LSAMP: variants seen among roughly 807,000 people sequenced by gnomAD.
LSAMP encodes the protein limbic system-associated membrane protein.
LSAMP carries 7 observed loss-of-function variants against 38.6 expected under a neutral mutation model. That is an observed-to-expected ratio of 0.18 (90% CI 0.10 to 0.34). The LOEUF is 0.34. LSAMP is among the 10% of genes least tolerant of loss of function. LSAMP has a pLI of 1.00. For missense variants in LSAMP, 313 were observed against 420.0 expected (o/e 0.75, Z 2.23); for synonymous variants, 154 against 166.8 (o/e 0.92, Z 0.59).
At chr3:116,125,931 A>T (rs886314183) in intron 1 of LSAMP, among the ~76,000 whole-genome samples, 8 of 152,306 alleles carry the variant, frequency 5.3e-5, no homozygotes, top group African/African-American at 1.9e-4. Context: ...TTCACACGTT[A>T]AGAGATATAT....
At chr3:115,811,908 T>C (rs973848547) in intron 6 of LSAMP, among the ~76,000 whole-genome samples, 1 of 152,242 alleles carries the variant, frequency 6.6e-6, no homozygotes, top group African/African-American at 2.4e-5. Context: ...TTGGATGCAC[T>C]GTACAAGTTT....
chr3:116,268,578 T>TATC (rs1218305012), intron 1 of LSAMP, among the ~76,000 whole-genome samples: 2 of 152,154 alleles, frequency 1.3e-5, no homozygotes, highest in African/African-American at 4.8e-5. Flanking sequence ...GAGAAAGAAC[T>TATC]ATCACTTTTT....
At chr3:116,323,316 A>C (rs780852807) in intron 1 of LSAMP, among the ~76,000 whole-genome samples, 3 of 151,852 alleles carry the variant, frequency 2.0e-5, no homozygotes, top group Non-Finnish European at 4.4e-5. Flanking sequence ...CCCCCAAACT[A>C]TATCTGGTCA....
chr3:115,818,019 T>C (rs1196506058), intron 6 of LSAMP, among the ~76,000 whole-genome samples: 4 of 152,168 alleles, frequency 2.6e-5, no homozygotes, highest in African/African-American at 7.2e-5. Context: ...CATGAAAACA[T>C]GAGGAAACTG....
intron 1 of LSAMP, among the ~76,000 whole-genome samples, chr3:116,165,965 CAT>C (rs1375286043): frequency 6.6e-6 from 1 of 152,174 alleles, no homozygotes; most frequent in African/African-American, 2.4e-5. Flanking sequence ...CTAAAAACAT[CAT>C]ATGTGTGTGT....
At chr3:116,336,800 A>C (rs1165800932) in intron 1 of LSAMP, among the ~76,000 whole-genome samples, 4 of 151,940 alleles carry the variant, frequency 2.6e-5, no homozygotes, top group Non-Finnish European at 4.4e-5. Context: ...GTATAAACTC[A>C]ACATAATTGA....
rs79726377 is a variant in LSAMP, at chr3:116,216,439, C to T, written c.156-129883G>A. On this transcript the variant is annotated intron_variant, in intron 1 of 6. Coordinates refer to ENST00000490035, the MANE Select transcript of LSAMP (RefSeq NM_002338.5). ...GAGCAGTGTACATCTTGTAATTGATCAAATTAGTCTATTTTTCCTGAAAGT... is the reference window on the plus strand; with the variant it reads ...GAGCAGTGTACATCTTGTAATTGATTAAATTAGTCTATTTTTCCTGAAAGT... Among the ~76,000 whole-genome samples the T allele has an allele frequency of 3.5e-3, 533 of 151,956 alleles. 2 individuals carry two copies. The highest frequency in any genetic ancestry group is 0.013 in the South Asian group (62 of 4,818).
chr3:115,900,931 ATTC>A (rs1936858102), intron 3 of LSAMP, among the ~76,000 whole-genome samples: 1 of 152,122 alleles, frequency 6.6e-6, no homozygotes, highest in African/African-American at 2.4e-5. Context: ...ATTTGGAAGT[ATTC>A]TTCTTTTCTG....
At chr3:115,886,569 G>A (rs913351437) in intron 3 of LSAMP, among the ~76,000 whole-genome samples, 2 of 151,942 alleles carry the variant, frequency 1.3e-5, no homozygotes, top group African/African-American at 2.4e-5. Context: ...TGAAATACTG[G>A]TAAGTATTTT....
intron 3 of LSAMP, among the ~76,000 whole-genome samples, chr3:115,866,448 T>C (rs11719516): frequency 0.19 from 28,840 of 152,084 alleles, 3,535 homozygotes; most frequent in African/African-American, 0.33. Context: ...CAAAGTTGAA[T>C]AAGAAAATGT....
At chr3:116,165,925 T>C (rs1382900866) in intron 1 of LSAMP, among the ~76,000 whole-genome samples, 1 of 152,228 alleles carries the variant, frequency 6.6e-6, no homozygotes, top group Non-Finnish European at 1.5e-5. Context: ...TTTAGCTCTG[T>C]TGCATAATCT....
intron 6 of LSAMP, among the ~76,000 whole-genome samples, chr3:115,810,916 T>A (rs902381770): frequency 6.6e-6 from 1 of 152,120 alleles, no homozygotes; most frequent in Non-Finnish European, 1.5e-5. Flanking sequence ...ACTTATTTGC[T>A]AATGGGGAGG....
intron 1 of LSAMP, among the ~76,000 whole-genome samples, chr3:116,416,047 A>G (rs2049045695): frequency 1.3e-5 from 2 of 152,222 alleles, no homozygotes; most frequent in African/African-American, 2.4e-5. Context: ...ACATAAATTC[A>G]AAGAAGCAGA....
At chr3:116,173,317 G>T (rs193183161) in intron 1 of LSAMP, among the ~76,000 whole-genome samples, 13 of 152,110 alleles carry the variant, frequency 8.5e-5, no homozygotes, top group African/African-American at 2.9e-4. Context: ...TGTTTTAATT[G>T]CTTCATCTAA....
chr3:116,007,258 G>A (rs1304340881), intron 3 of LSAMP, among the ~76,000 whole-genome samples: 1 of 151,588 alleles, frequency 6.6e-6, no homozygotes. Flanking sequence ...TGAAACGAAG[G>A]CAGGTGACAC....
chr3:116,334,848 C>G (rs2047898987), intron 1 of LSAMP, among the ~76,000 whole-genome samples: 1 of 152,016 alleles, frequency 6.6e-6, no homozygotes, highest in African/African-American at 2.4e-5. Flanking sequence ...TGCACTTTCA[C>G]TATTTCTATT....
intron 3 of LSAMP, among the ~76,000 whole-genome samples, chr3:115,933,405 T>C (rs1937612948): frequency 6.6e-6 from 1 of 152,162 alleles, no homozygotes; most frequent in Non-Finnish European, 1.5e-5. Context: ...ATCCACAGGC[T>C]TTGTGAATGA....
At chr3:116,244,603 A>G (rs2046580812) in intron 1 of LSAMP, among the ~76,000 whole-genome samples, 1 of 152,192 alleles carries the variant, frequency 6.6e-6, no homozygotes, top group African/African-American at 2.4e-5. Flanking sequence ...ACAGCTGCCC[A>G]GGGACTCTCA....
At chr3:115,811,086 A>C (rs1577027346) in intron 6 of LSAMP, among the ~76,000 whole-genome samples, 1 of 152,216 alleles carries the variant, frequency 6.6e-6, no homozygotes, top group African/African-American at 2.4e-5. Context: ...GACGATAACA[A>C]CAAAAATAAA....
Sources: allele counts gnomAD v4.1 joint callset (sites outside exome capture counted in the v4.1 genomes callset), GRCh38; gene constraint gnomAD v4.1.1; transcripts MANE v1.5; gene names NCBI Gene and HGNC (gene_info 2026-07-23, HGNC 2026-07-21).